The following GLIS3 variants were observed in gnomAD, a reference collection of about 807,000 sequenced individuals.
The protein encoded by GLIS3 is GLIS family zinc finger 3, also known as zinc finger protein GLIS3.
Under a neutral mutation model 78.6 loss-of-function variants are expected in GLIS3, and 53 were observed. The observed-to-expected ratio is 0.67, with a 90% CI of 0.54 to 0.85. GLIS3 has a LOEUF of 0.85. GLIS3 is among the 40% of genes least tolerant of loss of function. The pLI, the probability that GLIS3 is intolerant of heterozygous loss-of-function variation, is 0.00. For synonymous variants in GLIS3, 684 were observed against 509.9 expected (o/e 1.34, Z -4.60); for missense variants, 1,703 against 1,231.1 (o/e 1.38, Z -5.74).
chr9:4,290,491 GCTTCT>G (rs1828360493), intron 1 of GLIS3, among the ~76,000 whole-genome samples: 1 of 152,082 alleles, frequency 6.6e-6, no homozygotes, highest in African/African-American at 2.4e-5. Flanking sequence ...ATTCCCATGG[GCTTCT>G]CTTGTTACAG....
chr9:4,212,516 A>G (rs1820464806), intron 2 of GLIS3, among the ~76,000 whole-genome samples: 1 of 152,240 alleles, frequency 6.6e-6, no homozygotes, highest in Non-Finnish European at 1.5e-5. Flanking sequence ...AAAACAATAC[A>G]GCAGTGTGTG....
the GLIS3 span, among the ~76,000 whole-genome samples, chr9:4,376,256 G>C: frequency 6.6e-6 from 1 of 152,100 alleles, no homozygotes; most frequent in Non-Finnish European, 1.5e-5. Flanking sequence ...GGTTGGTGGG[G>C]AAAACTTACG....
chr9:4,325,637 C>G (rs749936015), intron 2 of GLIS3, among the ~76,000 whole-genome samples: 10 of 152,174 alleles, frequency 6.6e-5, no homozygotes, highest in Non-Finnish European at 1.3e-4. Context: ...TGGAACCAGA[C>G]AAGATACACT....
chr9:4,480,131 A>G, the GLIS3 span, among the ~76,000 whole-genome samples: 3 of 149,252 alleles, frequency 2.0e-5, no homozygotes, highest in African/African-American at 7.4e-5. Context: ...GACAGATGTT[A>G]TAGGTGGAGA....
chr9:4,355,904 A>G, the GLIS3 span, among the ~76,000 whole-genome samples: 2 of 152,322 alleles, frequency 1.3e-5, no homozygotes, highest in East Asian at 1.9e-4. Flanking sequence ...GAAATGTTCT[A>G]TATCTTGATT....
chr9:4,268,773 G>C (rs1826238652), intron 2 of GLIS3, among the ~76,000 whole-genome samples: 1 of 152,080 alleles, frequency 6.6e-6, no homozygotes, highest in South Asian at 2.1e-4. Flanking sequence ...GTTTATTCCA[G>C]ATCTCCAAGG....
chr9:4,425,337 T>A, the GLIS3 span, among the ~76,000 whole-genome samples: 1 of 152,330 alleles, frequency 6.6e-6, no homozygotes, highest in Non-Finnish European at 1.5e-5. Flanking sequence ...AATATGCCAC[T>A]AATGACCAAA....
At chr9:3,933,944 G>A (rs555872545) in intron 5 of GLIS3, among the ~76,000 whole-genome samples, 8 of 152,252 alleles carry the variant, frequency 5.3e-5, no homozygotes, top group South Asian at 4.2e-4. Flanking sequence ...ATTATCTGCT[G>A]TGTTCATTGA....
At chr9:3,835,495 T>TA (rs1452662875) in intron 9 of GLIS3, among the ~76,000 whole-genome samples, 2 of 152,222 alleles carry the variant, frequency 1.3e-5, no homozygotes, top group Middle Eastern at 3.2e-3. Context: ...ATGCAGACTG[T>TA]ATCAATTCAG....
intron 2 of GLIS3, among the ~76,000 whole-genome samples, chr9:4,193,436 C>G (rs1818511652): frequency 1.3e-5 from 2 of 152,110 alleles, no homozygotes; most frequent in African/African-American, 4.8e-5. Flanking sequence ...TGCTATCTGG[C>G]CTGTTACAGA....
chr9:3,869,183 T>C (rs906816693), intron 8 of GLIS3, among the ~76,000 whole-genome samples: 3 of 152,156 alleles, frequency 2.0e-5, no homozygotes, highest in African/African-American at 7.2e-5. Context: ...CCGGGGTAGA[T>C]TTTGATATGC....
At chr9:4,216,353 G>A (rs188769671) in intron 2 of GLIS3, among the ~76,000 whole-genome samples, 40 of 151,972 alleles carry the variant, frequency 2.6e-4, no homozygotes, top group Admixed American at 1.8e-3. Context: ...GGTGCCTGTA[G>A]TCCGAGCTAC....
At chr9:4,250,391 CTTTA>C (rs1045263488) in intron 2 of GLIS3, among the ~76,000 whole-genome samples, 1 of 152,060 alleles carries the variant, frequency 6.6e-6, no homozygotes, top group African/African-American at 2.4e-5. Flanking sequence ...AGATTTTCTA[CTTTA>C]TTTGCAGAGA....
intron 4 of GLIS3, among the ~76,000 whole-genome samples, chr9:4,085,460 C>G (rs1278295734): frequency 6.6e-6 from 1 of 152,244 alleles, no homozygotes; most frequent in African/African-American, 2.4e-5. Context: ...CCACTGCCAC[C>G]CTCTCATTTT....
the GLIS3 span, among the ~76,000 whole-genome samples, chr9:4,396,730 A>G: frequency 6.6e-6 from 1 of 152,306 alleles, no homozygotes; most frequent in East Asian, 1.9e-4. Flanking sequence ...TAAATTTCAC[A>G]TACGATTTCA....
At chr9:4,031,179 A>T (rs2130263481) in intron 4 of GLIS3, among the ~76,000 whole-genome samples, 1 of 152,354 alleles carries the variant, frequency 6.6e-6, no homozygotes, top group South Asian at 2.1e-4. Flanking sequence ...TGGTACTCAA[A>T]CAAATACGTC....
At chr9:4,071,310 T>G (rs1827587385) in intron 4 of GLIS3, 2 of 150,942 alleles carry the variant, frequency 1.3e-5, no homozygotes, top group Non-Finnish European at 1.5e-5. Context: ...AATCAAAACC[T>G]TGCAGTCTCT....
intron 4 of GLIS3, among the ~76,000 whole-genome samples, chr9:4,059,676 T>A (rs1234301200): frequency 4.6e-5 from 7 of 152,166 alleles, no homozygotes; most frequent in Non-Finnish European, 7.3e-5. Flanking sequence ...TCCAAATTAG[T>A]TAAGTTGGGC....
At chr9:4,480,677 C>CA in the GLIS3 span, among the ~76,000 whole-genome samples, 2 of 151,680 alleles carry the variant, frequency 1.3e-5, no homozygotes, top group African/African-American at 4.8e-5. Flanking sequence ...CCTACCGGGG[C>CA]AAAAAGCATG....
Sources: allele counts gnomAD v4.1 joint callset (sites outside exome capture counted in the v4.1 genomes callset), GRCh38; gene constraint gnomAD v4.1.1; transcripts MANE v1.5; gene names NCBI Gene and HGNC (gene_info 2026-07-23, HGNC 2026-07-21).